TEP1: variants seen among roughly 807,000 people sequenced by gnomAD.
TEP1 encodes the protein telomerase protein component 1.
In TEP1, 241 loss-of-function variants were observed where a neutral mutation model predicts 306.3. The ratio of observed to expected loss-of-function variants is 0.79; its 90% confidence interval spans 0.71 to 0.88. TEP1 has a LOEUF of 0.88. TEP1 is among the 40% of genes least tolerant of loss of function. The probability of loss-of-function intolerance (pLI) is 0.00; values close to 1 mark genes in which losing one functional copy is unlikely to be tolerated. For missense variants in TEP1, 3,051 were observed against 3,276.1 expected (o/e 0.93, Z 1.68); for synonymous variants, 1,289 against 1,305.5 (o/e 0.99, Z 0.27).
intron 36 of TEP1, 33 bp from the exon 37 acceptor site, chr14:20,378,886 C>A: frequency 1.2e-6 from 2 of 1,613,810 alleles, no homozygotes; most frequent in Non-Finnish European, 1.7e-6. Flanking sequence ...GTCCTCTGGA[C>A]CCTGGCCATC....
At chr14:20,412,358 A>AT (rs1879736727) in intron 1 of TEP1, among the ~76,000 whole-genome samples, 2 of 152,100 alleles carry the variant, frequency 1.3e-5, no homozygotes, top group African/African-American at 4.8e-5. Flanking sequence ...CTATCCTTAA[A>AT]AGGACAGTCT....
In TEP1 at chr14:20,403,850, G is replaced by C. The variant is rs550913661; in HGVS notation, c.1067C>G (p.Pro356Arg). The C allele has an allele frequency of 1.2e-6, 2 of 1,614,070 alleles. No homozygotes were observed. Among genetic ancestry groups the C allele is most frequent in the South Asian group, 2.2e-5 (2 of 91,064 alleles). ...GGCAGTACGGAGACAGGCGGGCAGG[G>C]GCACCAGCTTATTCTTATCTCCCTC... is the stretch of plus-strand genomic sequence containing the variant. ...LAEGDKNKLV[P>R]LPACLRTAMT... is the part of the protein sequence containing the mutation. The change falls in exon 6 of 55, where the codon CCC becomes CGC. Residue 356 changes from proline to arginine, a missense_variant. By Grantham distance (103) the Pro-to-Arg change is moderately radical (BLOSUM62 -2). This residue lies in a region of TEP1 where 1,507 missense variants were observed against 1,550.5 expected (regional missense o/e 0.97). Transcript: ENST00000262715.
chr14:20,381,738 G>C lies in TEP1; in HGVS notation c.4425-52C>G, dbSNP rs1371692307. On this transcript the variant is annotated intron_variant, in intron 30 of 54. Transcript: ENST00000262715. This position sits in a 1 kb window ranked among gnomAD's most constrained non-coding sequence, Gnocchi z 4.0. The stretch of plus-strand genomic sequence containing the variant: ...GAAGAAGGAAGAGGCCTGTCAGTGA[G>C]CTTCCTGGCACACAGTGGGCTCCTA... The C allele has an allele frequency of 6.5e-7, 1 of 1,544,900 alleles. No homozygotes were observed. The highest frequency in any genetic ancestry group is 1.4e-5 in the African/African-American group (1 of 72,240).
At position 20,379,058 on chromosome 14, in the gene TEP1, C is replaced by A; in HGVS notation, c.5175G>T (p.Leu1725Phe). ...GAAAGAGTGTATCATCGGAGAGGAA[C>A]AAACAAGCAGAGATTCCATCACAGC... Reference protein sequence around the residue: ...VSGCDGISACLFLSDDTLFLT... With the variant: ...VSGCDGISACFFLSDDTLFLT... Residue 1725 changes from leucine (L) to phenylalanine (F), a missense_variant, in exon 36 of 55, where the codon TTG becomes TTT. Physicochemically the swap from Leu to Phe is conservative, Grantham distance 22 (BLOSUM62 0). This residue lies in a region of TEP1 where 1,540 missense variants were observed against 1,705.9 expected (regional missense o/e 0.90). Transcript: ENST00000262715. The A allele has an allele frequency of 6.2e-7, 1 of 1,614,148 alleles. No homozygotes were observed. The highest frequency in any genetic ancestry group is 1.3e-5 in the African/African-American group (1 of 75,030).
intron 15 of TEP1, 53 bp downstream of exon 15, chr14:20,390,628 T>C (rs1245758029): frequency 1.3e-6 from 2 of 1,545,426 alleles, no homozygotes; most frequent in Non-Finnish European, 1.8e-6. Flanking sequence ...AATATATCAG[T>C]TGCAGAGGAA....
rs750133510 is a variant in TEP1 at position 20,379,040 on chromosome 14, T to C, written c.5193A>G (p.Thr1731=). The C allele has an allele frequency of 6.2e-6, 10 of 1,613,822 alleles. No homozygotes were observed. The Admixed American group carries it at 1.2e-4, about 19-fold the overall frequency. ...GCCCGTCGAAGGCAGTAAGAAAGAG[T>C]GTATCATCGGAGAGGAACAAACAAG... ...ISACLFLSDD[T]LFLTAFDGLL... The change falls in exon 36 of 55, where the codon ACA becomes ACG. Residue 1731 remains threonine, a synonymous_variant. Coordinates refer to ENST00000262715, the MANE Select transcript of TEP1 (RefSeq NM_007110.5).
intron 20 of TEP1, among the ~76,000 whole-genome samples, chr14:20,385,333 T>C (rs765810103): frequency 5.3e-5 from 8 of 152,196 alleles, no homozygotes; most frequent in South Asian, 2.1e-4. Context: ...CTGTAATGTA[T>C]TGAGTATTCT....
intron 26 of TEP1, 29 bp downstream of exon 26, chr14:20,383,459 C>T: frequency 1.2e-6 from 2 of 1,613,896 alleles, no homozygotes; most frequent in Non-Finnish European, 1.7e-6. Context: ...CAGCCTGCCT[C>T]CCGACACCCA....
At chr14:20,377,978 T>A (rs1002333049) in intron 39 of TEP1, 46 bp downstream of exon 39, 18 of 1,601,002 alleles carry the variant, frequency 1.1e-5, no homozygotes, top group Non-Finnish European at 1.5e-5. Flanking sequence ...TTCTTTGCCT[T>A]TGCTACTCCT....
chr14:20,377,903 T>C lies in TEP1; in HGVS notation c.5721+121A>G. 2.7e-6 allele frequency: 4 copies of C among 1,461,812 alleles called. 1 individual carries two copies. Among genetic ancestry groups the C allele is most frequent in the Non-Finnish European group, 3.8e-6 (4 of 1,062,944 alleles). The allele number at this position is 1,461,812 out of a possible 1,614,324, so 90.6% of individuals were successfully genotyped here. ...GCACACAGCGGCACCCCTCTCCCCGTGGTTCCTGCAATCCAAGCTCCTCCA... is the reference window on the plus strand; with the variant it reads ...GCACACAGCGGCACCCCTCTCCCCGCGGTTCCTGCAATCCAAGCTCCTCCA... On this transcript the variant is annotated intron_variant, in intron 39 of 54. Transcript: ENST00000262715.
intron 51 of TEP1, 67 bp from the exon 52 acceptor site, chr14:20,369,846 A>G: frequency 7.7e-7 from 1 of 1,301,522 alleles, no homozygotes; most frequent in Non-Finnish European, 1.1e-6. Context: ...ACAAAACAAC[A>G]GTTTTCTGCT....
At chr14:20,388,533 C>A (rs772109268) in intron 17 of TEP1, among the ~76,000 whole-genome samples, 3 of 152,156 alleles carry the variant, frequency 2.0e-5, no homozygotes, top group African/African-American at 4.8e-5. Flanking sequence ...ATAAAAAAAA[C>A]GTGAAAAGAT....
At chr14:20,387,777 G>C in intron 18 of TEP1, 128 bp downstream of exon 18, 1 of 1,180,426 alleles carries the variant, frequency 8.5e-7, no homozygotes, top group Non-Finnish European at 1.2e-6. Context: ...CTCCGCCTGA[G>C]AAAGAGGAAG....
chr14:20,382,649 G>A lies in TEP1; in HGVS notation c.4114C>T (p.Leu1372=), dbSNP rs527873149. The stretch of plus-strand genomic sequence containing the variant: ...TGCTCATACAGCGTGAAGAGCCTCA[G>A]GTGATCGGTGACCAAGCGCAGGTAG... ...PLYLRLVTDH[L]RLFTLYEQVS... is the part of the protein sequence containing the mutation. Residue 1372 remains leucine, a synonymous_variant, in exon 28 of 55, where the codon CTG becomes TTG. Coordinates refer to ENST00000262715, the MANE Select transcript of TEP1 (RefSeq NM_007110.5). 3 of 1,614,114 alleles carry A rather than the reference G, an allele frequency of 1.9e-6. No homozygotes were observed. In the South Asian group the frequency reaches 3.3e-5, roughly 18 times the overall value.
intron 29 of TEP1, 48 bp from the exon 30 acceptor site, chr14:20,382,111 C>G (rs369250768): frequency 7.4e-6 from 12 of 1,611,010 alleles, no homozygotes; most frequent in Non-Finnish European, 1.0e-5. Flanking sequence ...TACGGTGTCC[C>G]CGCCCCCACC....
intron 39 of TEP1, 130 bp downstream of exon 39, chr14:20,377,894 C>T (rs1358123205): frequency 1.4e-6 from 2 of 1,459,004 alleles, no homozygotes; most frequent in South Asian, 1.2e-5. Context: ...AGCGGCACCC[C>T]TCTCCCCGTG....
At chr14:20,398,637 T>C (rs1203035059) in intron 9 of TEP1, among the ~76,000 whole-genome samples, 1 of 152,170 alleles carries the variant, frequency 6.6e-6, no homozygotes, top group East Asian at 1.9e-4. Context: ...TCAATCTGCA[T>C]GGTAAGTACT....
rs1361594533 is a variant in TEP1 at position 20,381,061 on chromosome 14, T to G, written c.4648-16A>C. 8.1e-6 allele frequency: 13 copies of G among 1,604,938 alleles called. No individual in the cohort carries two copies. The highest frequency in any genetic ancestry group is 1.1e-5 in the Non-Finnish European group (13 of 1,171,652). On this transcript the variant is annotated splice_polypyrimidine_tract_variant and intron_variant, in intron 32 of 54. Transcript: ENST00000262715. The surrounding 1 kb of genome is among the most constrained non-coding windows in gnomAD (Gnocchi z 4.0). ...CGCTCTGGAGCTGAGAAGGTCAGAT[T>G]GAATTCATTAGGGATATGAAGGGGC...
intron 51 of TEP1, 147 bp from the exon 52 acceptor site, chr14:20,369,926 T>G (rs1884731447): frequency 1.6e-6 from 1 of 621,334 alleles, no homozygotes; most frequent in Non-Finnish European, 2.8e-6. Flanking sequence ...AAATTTTTTT[T>G]TTTTTGAGAC....
Sources: gnomAD v4.1 joint callset for allele counts (sites outside exome capture counted in the v4.1 genomes callset) on GRCh38, gnomAD v4.1.1 for gene constraint, gnomAD v4.1.1 regional missense constraint, Gnocchi (gnomAD v3.1) non-coding constraint, MANE v1.5 for transcripts, NCBI Gene and HGNC (gene_info 2026-07-23, HGNC 2026-07-21) for gene names.